METTL15: variants seen among roughly 807,000 people sequenced by gnomAD.
METTL15 encodes the protein 12S rRNA N(4)-cytidine methyltransferase METTL15.
Under a neutral mutation model 38.3 loss-of-function variants are expected in METTL15, and 34 were observed. That is an observed-to-expected ratio of 0.89 (90% CI 0.68 to 1.18). The LOEUF is 1.18. Among genes scored for constraint, METTL15 ranks in the 50% most tolerant of loss-of-function variants. METTL15 has a pLI of 0.00. For missense variants in METTL15, 438 were observed against 498.4 expected (o/e 0.88, Z 1.15); for synonymous variants, 162 against 170.9 (o/e 0.95, Z 0.41).
intron 5 of METTL15, among the ~76,000 whole-genome samples, chr11:28,369,587 A>G (rs1850222806): frequency 6.6e-6 from 1 of 152,136 alleles, no homozygotes; most frequent in African/African-American, 2.4e-5. Context: ...TACTCCATAA[A>G]TTATTAGTAG....
At chr11:28,403,989 T>A (rs1850653363) in intron 5 of METTL15, among the ~76,000 whole-genome samples, 2 of 152,080 alleles carry the variant, frequency 1.3e-5, no homozygotes, top group South Asian at 4.1e-4. Context: ...ACTGTAGCAA[T>A]AACTTAGACC....
intron 4 of METTL15, among the ~76,000 whole-genome samples, chr11:28,267,856 AT>A (rs1312688236): frequency 2.0e-5 from 3 of 152,332 alleles, no homozygotes; most frequent in Admixed American, 2.0e-4. Flanking sequence ...ATATGGATGA[AT>A]TTATATGATA....
In METTL15 at chr11:28,509,486, T is replaced by TAA. The variant is rs202077372; in HGVS notation, c.*425-16978_*425-16977dup. Among the ~76,000 whole-genome samples, 469 of 140,784 alleles carry TAA rather than the reference T, an allele frequency of 3.3e-3. 2 individuals carry two copies. The highest frequency in any genetic ancestry group is 0.011 in the African/African-American group (429 of 38,576). The allele number at this position is 140,784 out of a possible 152,430, so 92.4% of individuals were successfully genotyped here. A position where few individuals can be genotyped will look rare whatever the true frequency, so the allele number is the denominator to read the frequency against. On this transcript the variant is annotated intron_variant and NMD_transcript_variant, in intron 6 of 7. Coordinates refer to the METTL15 transcript ENST00000532947. ...CGTTGCACTAAGTCAATCCTTTATTTAAAAAAAAAAAAAAAGCAAGACTTA... is the reference window on the plus strand; with the variant it reads ...CGTTGCACTAAGTCAATCCTTTATTTAAAAAAAAAAAAAAAAAGCAAGACTTA...
intron 6 of METTL15, among the ~76,000 whole-genome samples, chr11:28,432,775 C>T (rs988046125): frequency 1.3e-5 from 2 of 152,146 alleles, no homozygotes; most frequent in African/African-American, 4.8e-5. Flanking sequence ...CTCAGCTGTT[C>T]TTGTTAATTA....
rs535410767 is a variant in METTL15 at position 28,327,989 on chromosome 11, T to A, written c.779-2407T>A. 122 of 1,223,260 alleles carry A rather than the reference T, an allele frequency of 1.0e-4. No homozygotes were observed. In the East Asian group the frequency reaches 1.2e-3, roughly 12 times the overall value. The allele number at this position is 1,223,260 out of a possible 1,614,324, so 75.8% of individuals were successfully genotyped here. A position where few individuals can be genotyped will look rare whatever the true frequency, so the allele number is the denominator to read the frequency against. The stretch of plus-strand genomic sequence containing the variant: ...ATCAAAGATAATGCTAAGAAATTTT[T>A]AAAAAAATTATAGCAAAAATATCCT... On this transcript the variant is annotated intron_variant, in intron 6 of 6. Coordinates refer to ENST00000407364, the MANE Select transcript of METTL15 (RefSeq NM_001113528.2).
At chr11:28,491,953 A>G (rs1032237595) in intron 6 of METTL15, among the ~76,000 whole-genome samples, 2 of 152,006 alleles carry the variant, frequency 1.3e-5, no homozygotes, top group African/African-American at 2.4e-5. Flanking sequence ...GGGACTTAGC[A>G]CCTGGTATCA....
In METTL15 at chr11:28,397,480, A is replaced by G. The variant is rs577086420; in HGVS notation, c.*359-26819A>G. The stretch of plus-strand genomic sequence containing the variant: ...AGATATTTATGCAGCCAAAAGACAC[A>G]TGAAAAAATGCTCATCATCACTGGC... On this transcript the variant is annotated intron_variant and NMD_transcript_variant, in intron 5 of 7. Coordinates refer to the METTL15 transcript ENST00000532947. Among the ~76,000 whole-genome samples the G allele has an allele frequency of 3.6e-4, 55 of 152,336 alleles. 1 individual carries two copies. In the South Asian group the frequency reaches 9.7e-3, roughly 27 times the overall value.
chr11:28,292,980 A>G (rs939137681), intron 5 of METTL15, among the ~76,000 whole-genome samples: 14 of 152,128 alleles, frequency 9.2e-5, no homozygotes, highest in African/African-American at 3.4e-4. Context: ...AGTAGGTTGC[A>G]AAAATTTTCT....
At chr11:28,183,074 A>G (rs2133787331) in intron 3 of METTL15, among the ~76,000 whole-genome samples, 1 of 152,198 alleles carries the variant, frequency 6.6e-6, no homozygotes, top group Middle Eastern at 3.4e-3. Context: ...TTATTGGTGT[A>G]TAGAAGTGCT....
At chr11:28,308,176 C>A (rs1386035640) in intron 6 of METTL15, among the ~76,000 whole-genome samples, 1 of 151,918 alleles carries the variant, frequency 6.6e-6, no homozygotes, top group Non-Finnish European at 1.5e-5. Flanking sequence ...TATAGTTATT[C>A]TTTCTGTTTC....
intron 3 of METTL15, among the ~76,000 whole-genome samples, chr11:28,173,904 G>C (rs1850952800): frequency 6.6e-6 from 1 of 152,186 alleles, no homozygotes; most frequent in Non-Finnish European, 1.5e-5. Context: ...GTTTCGGGGA[G>C]GAAGACTACA....
intron 3 of METTL15, among the ~76,000 whole-genome samples, chr11:28,195,794 T>C (rs1040957715): frequency 2.0e-5 from 3 of 152,156 alleles, no homozygotes; most frequent in African/African-American, 7.2e-5. Context: ...TAGGCTGATG[T>C]CCAGAGGAAT....
chr11:28,508,151 T>C (rs144484547), intron 6 of METTL15, among the ~76,000 whole-genome samples: 3 of 152,338 alleles, frequency 2.0e-5, no homozygotes, highest in East Asian at 3.9e-4. Context: ...GCCCTGCCTC[T>C]ACCCTCATCA....
At chr11:28,191,551 A>G (rs1420967396) in intron 3 of METTL15, among the ~76,000 whole-genome samples, 1 of 151,536 alleles carries the variant, frequency 6.6e-6, no homozygotes, top group African/African-American at 2.4e-5. Context: ...AAAAATCTTT[A>G]TATAAAACTG....
chr11:28,485,233 T>A (rs2133476629), intron 6 of METTL15, among the ~76,000 whole-genome samples: 1 of 127,468 alleles, frequency 7.8e-6, no homozygotes, highest in East Asian at 2.1e-4. Context: ...ACTTATTGAA[T>A]GCAAGAAAAG....
chr11:28,382,649 G>A (rs1016046831), intron 5 of METTL15, among the ~76,000 whole-genome samples: 5 of 152,026 alleles, frequency 3.3e-5, no homozygotes, highest in Admixed American at 2.6e-4. Context: ...GCCTGACCAA[G>A]ATGGAGAAAC....
chr11:28,185,657 GA>G (rs1654384079), intron 3 of METTL15, among the ~76,000 whole-genome samples: 2 of 151,266 alleles, frequency 1.3e-5, no homozygotes, highest in Admixed American at 6.6e-5. Context: ...ATTTCCCTTT[GA>G]TGCTTTTAGG....
At chr11:28,377,896 T>C (rs1171474327) in intron 5 of METTL15, among the ~76,000 whole-genome samples, 1 of 151,998 alleles carries the variant, frequency 6.6e-6, no homozygotes, top group Admixed American at 6.6e-5. Flanking sequence ...CAGCTGCAGG[T>C]CTGTTGGAGT....
At chr11:28,159,511 G>A (rs1049065938) in intron 3 of METTL15, among the ~76,000 whole-genome samples, 2 of 151,846 alleles carry the variant, frequency 1.3e-5, no homozygotes, top group African/African-American at 4.8e-5. Flanking sequence ...AGAATGGGTA[G>A]TAGAAGTAGG....
Sources: allele counts gnomAD v4.1 joint callset (sites outside exome capture counted in the v4.1 genomes callset), GRCh38; gene constraint gnomAD v4.1.1; transcripts MANE v1.5; gene names NCBI Gene and HGNC (gene_info 2026-07-23, HGNC 2026-07-21).